SCD5: variants seen among roughly 807,000 people sequenced by gnomAD.
SCD5 encodes the protein acyl-CoA-desaturase 4.
A neutral mutation model predicts 30.4 loss-of-function variants in SCD5; 20 were observed. The ratio of observed to expected loss-of-function variants is 0.66; its 90% confidence interval spans 0.46 to 0.96. The LOEUF is 0.96. SCD5 is among the 40% of genes least tolerant of loss of function. SCD5 has a pLI of 0.00. For missense variants in SCD5, 381 were observed against 443.3 expected, an observed-to-expected ratio of 0.86 and a Z score of 1.26; for synonymous variants, 173 against 176.4, an observed-to-expected ratio of 0.98 and a Z score of 0.16.
At chr4:82,701,307 A>G (rs1435805827) in intron 2 of SCD5, among the ~76,000 whole-genome samples, 2 of 152,224 alleles carry the variant, frequency 1.3e-5, no homozygotes, top group Non-Finnish European at 2.9e-5. Flanking sequence ...TTAAAACCAC[A>G]TAAAAATAGA....
At chr4:82,759,674 C>T (rs1404253032) in intron 1 of SCD5, among the ~76,000 whole-genome samples, 1 of 141,924 alleles carries the variant, frequency 7.0e-6, no homozygotes, top group Non-Finnish European at 1.6e-5. Flanking sequence ...AAAAAGTTAT[C>T]TCTTGTAAAC....
intron 1 of SCD5, among the ~76,000 whole-genome samples, chr4:82,738,388 C>T (rs1292392335): frequency 1.3e-5 from 2 of 152,222 alleles, no homozygotes; most frequent in Non-Finnish European, 2.9e-5. Flanking sequence ...TGCCACTGCA[C>T]TCCAGCCTGG....
intron 3 of SCD5, among the ~76,000 whole-genome samples, chr4:82,652,213 G>C (rs943678325): frequency 1.3e-5 from 2 of 152,194 alleles, no homozygotes; most frequent in Non-Finnish European, 2.9e-5. Flanking sequence ...GAAGTACCAA[G>C]AGATAGGGTA....
At chr4:82,681,602 G>C (rs1400466748) in intron 2 of SCD5, among the ~76,000 whole-genome samples, 1 of 152,032 alleles carries the variant, frequency 6.6e-6, no homozygotes, top group Non-Finnish European at 1.5e-5. Context: ...GGACACATAG[G>C]GGAACAAAAC....
At chr4:82,721,749 T>C (rs929823248) in intron 1 of SCD5, among the ~76,000 whole-genome samples, 16 of 152,354 alleles carry the variant, frequency 1.1e-4, no homozygotes, top group Admixed American at 5.9e-4. Context: ...TTCTAGCCTC[T>C]GGAACTGTGT....
intron 3 of SCD5, chr4:82,660,355 T>G (rs894188736): frequency 1.5e-6 from 1 of 676,938 alleles, no homozygotes; most frequent in Non-Finnish European, 1.8e-6. Context: ...CCACCCCAAA[T>G]CAACTGAATA....
chr4:82,697,013 C>T (rs1719710510), intron 2 of SCD5, among the ~76,000 whole-genome samples: 1 of 152,226 alleles, frequency 6.6e-6, no homozygotes. Context: ...TTCTAACCTC[C>T]TGTGATCCCA....
intron 1 of SCD5, among the ~76,000 whole-genome samples, chr4:82,746,765 G>A (rs1328721921): frequency 6.6e-6 from 1 of 152,042 alleles, no homozygotes; most frequent in Non-Finnish European, 1.5e-5. Context: ...CAAGGGAGGT[G>A]CTGAGTAGAG....
At chr4:82,660,947 T>C in intron 3 of SCD5, 6 of 1,614,134 alleles carry the variant, frequency 3.7e-6, no homozygotes, top group Non-Finnish European at 5.1e-6. Flanking sequence ...TTACAATGAG[T>C]ATGTAACAAA....
chr4:82,672,204 G>A (rs1415271572), intron 3 of SCD5, among the ~76,000 whole-genome samples: 1 of 151,940 alleles, frequency 6.6e-6, no homozygotes, highest in Admixed American at 6.6e-5. Flanking sequence ...ATAAAAATTA[G>A]AGCAGAGAGA....
intron 1 of SCD5, among the ~76,000 whole-genome samples, chr4:82,791,484 C>T (rs980843830): frequency 6.6e-6 from 1 of 151,814 alleles, no homozygotes; most frequent in African/African-American, 2.4e-5. Context: ...CTTTATCCAG[C>T]GGGCTGGCTA....
intron 3 of SCD5, among the ~76,000 whole-genome samples, chr4:82,642,683 C>T (rs1358693082): frequency 1.3e-5 from 2 of 152,188 alleles, no homozygotes; most frequent in Non-Finnish European, 2.9e-5. Context: ...TAACGGGCAG[C>T]CTAACCTGCT....
In SCD5 at chr4:82,693,246, C is replaced by A. The variant is rs563179691; in HGVS notation, c.363+12037G>T. Among the ~76,000 whole-genome samples the A allele has an allele frequency of 4.8e-4, 73 of 152,292 alleles. 1 individual carries two copies. The highest frequency in any genetic ancestry group is 1.7e-3 in the African/African-American group (70 of 41,572). ...CTCAGCTCCGGTGCCTTTGACCTTG[C>A]CCAGCAGTGGGGTCTGGATGCCTAG... On this transcript the variant is annotated intron_variant, in intron 2 of 4. Coordinates refer to ENST00000319540, the MANE Select transcript of SCD5 (RefSeq NM_001037582.3).
chr4:82,789,612 C>G (rs143783124), intron 1 of SCD5, among the ~76,000 whole-genome samples: 2 of 152,348 alleles, frequency 1.3e-5, no homozygotes, highest in African/African-American at 2.4e-5. Flanking sequence ...CATGTTTGTT[C>G]TAAAGCTCTG....
intron 1 of SCD5, among the ~76,000 whole-genome samples, chr4:82,789,013 G>T (rs1221432343): frequency 6.6e-6 from 1 of 152,096 alleles, no homozygotes. Context: ...GCTGAATTTT[G>T]TGATACCTGC....
chr4:82,652,829 C>T (rs1727785268), intron 3 of SCD5, among the ~76,000 whole-genome samples: 1 of 152,104 alleles, frequency 6.6e-6, no homozygotes, highest in African/African-American at 2.4e-5. Flanking sequence ...AATGTATATG[C>T]AAGGCATTAG....
At chr4:82,720,566 T>G (rs901483403) in intron 1 of SCD5, among the ~76,000 whole-genome samples, 16 of 151,792 alleles carry the variant, frequency 1.1e-4, no homozygotes, top group Non-Finnish European at 1.9e-4. Flanking sequence ...ATTTCAGAAA[T>G]TATTAATAAT....
In SCD5 at chr4:82,649,654, G is replaced by T. The variant is rs1275211629; in HGVS notation, c.570-12831C>A. On this transcript the variant is annotated intron_variant, in intron 3 of 4. Transcript: ENST00000319540. Reference sequence around the variant, plus strand: ...GCTGTCAGGGTGTCCAAAGGGCAGAGGTAGGTCTTCATCAAGTCTCAGACT... The same window carrying T: ...GCTGTCAGGGTGTCCAAAGGGCAGATGTAGGTCTTCATCAAGTCTCAGACT... Among the ~76,000 whole-genome samples, 5 of 152,238 alleles carry T rather than the reference G, an allele frequency of 3.3e-5. No homozygotes were observed. In the East Asian group the frequency reaches 9.7e-4, roughly 29 times the overall value.
At chr4:82,787,686 T>C (rs527327813) in intron 1 of SCD5, among the ~76,000 whole-genome samples, 33 of 152,128 alleles carry the variant, frequency 2.2e-4, no homozygotes, top group Non-Finnish European at 3.7e-4. Context: ...AATTAGGTCA[T>C]GAGGATGGAA....
Sources: gnomAD v4.1 joint callset for allele counts (sites outside exome capture counted in the v4.1 genomes callset) on GRCh38, gnomAD v4.1.1 for gene constraint, MANE v1.5 for transcripts, NCBI Gene and HGNC (gene_info 2026-07-23, HGNC 2026-07-21) for gene names.